Variants in HEMK2 observed in about 807,000 individuals in gnomAD.
HEMK2 encodes methyltransferase HEMK2.
At chr21:28,737,800 C>G in the HEMK2 span, among the ~76,000 whole-genome samples, 8 of 152,220 alleles carry the variant, frequency 5.3e-5, no homozygotes, top group Non-Finnish European at 1.0e-4. Context: ...CCAAGCCCTG[C>G]TTAACTTCAC....
chr21:28,813,540 C>G, the HEMK2 span, among the ~76,000 whole-genome samples: 1 of 152,172 alleles, frequency 6.6e-6, no homozygotes, highest in Non-Finnish European at 1.5e-5. Context: ...CCCCATCAAA[C>G]TACCACTGAC....
At chr21:28,853,034 T>C in the HEMK2 span, among the ~76,000 whole-genome samples, 12 of 152,320 alleles carry the variant, frequency 7.9e-5, no homozygotes, top group Admixed American at 5.2e-4. Flanking sequence ...TTTCCACTGT[T>C]AGATCTGGCA....
chr21:28,660,595 T>C, the HEMK2 span, among the ~76,000 whole-genome samples: 1 of 151,940 alleles, frequency 6.6e-6, no homozygotes, highest in Non-Finnish European at 1.5e-5. Flanking sequence ...TAATCTCGCA[T>C]TCCTAGAACA....
At chr21:28,864,896 TA>T in the HEMK2 span, among the ~76,000 whole-genome samples, 470 of 88,374 alleles carry the variant, frequency 5.3e-3, 5 homozygotes, top group African/African-American at 0.011. Flanking sequence ...AGATGATAGA[TA>T]GATATAGATA....
chr21:28,637,123 C>CTGGAT, the HEMK2 span, among the ~76,000 whole-genome samples: 8 of 152,284 alleles, frequency 5.3e-5, no homozygotes, highest in African/African-American at 1.9e-4. Context: ...TGTTTTCAGA[C>CTGGAT]TGGATTTCCA....
the HEMK2 span, among the ~76,000 whole-genome samples, chr21:28,703,790 C>A: frequency 4.6e-5 from 7 of 152,042 alleles, no homozygotes; most frequent in Non-Finnish European, 7.4e-5. Context: ...ACATTCGTCC[C>A]GTGTAAAATT....
the HEMK2 span, among the ~76,000 whole-genome samples, chr21:28,794,017 C>T: frequency 6.6e-6 from 1 of 152,328 alleles, no homozygotes; most frequent in Non-Finnish European, 1.5e-5. Context: ...TGTTTTAAGA[C>T]ATCCACTGTG....
chr21:28,733,387 T>C, the HEMK2 span, among the ~76,000 whole-genome samples: 1 of 152,226 alleles, frequency 6.6e-6, no homozygotes, highest in Non-Finnish European at 1.5e-5. Context: ...TCCTCTTAGA[T>C]AACATTGGCT....
At chr21:28,752,413 A>C in the HEMK2 span, among the ~76,000 whole-genome samples, 1 of 152,200 alleles carries the variant, frequency 6.6e-6, no homozygotes, top group Non-Finnish European at 1.5e-5. Context: ...GTTTCTAATC[A>C]AGGTATGTGA....
the HEMK2 span, among the ~76,000 whole-genome samples, chr21:28,586,823 G>T: frequency 6.6e-6 from 1 of 152,084 alleles, no homozygotes; most frequent in Non-Finnish European, 1.5e-5. Context: ...TCTTCTCACA[G>T]GGGGGTAATG....
chr21:28,780,369 G>A, the HEMK2 span, among the ~76,000 whole-genome samples: 1 of 145,908 alleles, frequency 6.9e-6, no homozygotes, highest in African/African-American at 2.7e-5. Context: ...AATAGAGACG[G>A]GGTTTCACCG....
the HEMK2 span, among the ~76,000 whole-genome samples, chr21:28,735,659 C>T: frequency 0.021 from 3,242 of 152,214 alleles, 109 homozygotes; most frequent in Admixed American, 0.079. Context: ...TCCTCAGTGA[C>T]GTTTTGTTGG....
chr21:28,746,325 G>C, the HEMK2 span, among the ~76,000 whole-genome samples: 1 of 152,070 alleles, frequency 6.6e-6, no homozygotes, highest in Non-Finnish European at 1.5e-5. Flanking sequence ...ACTACTCTTA[G>C]TATGTTCCTT....
At chr21:28,618,685 C>G in the HEMK2 span, among the ~76,000 whole-genome samples, 1 of 152,156 alleles carries the variant, frequency 6.6e-6, no homozygotes, top group Non-Finnish European at 1.5e-5. Flanking sequence ...TGATCCTATA[C>G]AACACTCTCC....
At chr21:28,851,845 C>T in the HEMK2 span, among the ~76,000 whole-genome samples, 3 of 152,164 alleles carry the variant, frequency 2.0e-5, no homozygotes, top group African/African-American at 7.2e-5. Context: ...ATACTGCTAG[C>T]CTTGCCAGCT....
the HEMK2 span, among the ~76,000 whole-genome samples, chr21:28,763,724 G>C: frequency 6.6e-6 from 1 of 152,122 alleles, no homozygotes; most frequent in Non-Finnish European, 1.5e-5. Flanking sequence ...CATCATAAAA[G>C]GGAATGAGCT....
At chr21:28,810,287 T>C in the HEMK2 span, among the ~76,000 whole-genome samples, 2 of 152,202 alleles carry the variant, frequency 1.3e-5, no homozygotes, top group African/African-American at 4.8e-5. Context: ...CTCTAGGTAT[T>C]TCAACCAGTA....
chr21:28,786,343 T>C, the HEMK2 span, among the ~76,000 whole-genome samples: 1 of 152,236 alleles, frequency 6.6e-6, no homozygotes, highest in Non-Finnish European at 1.5e-5. Context: ...TCTGTTATCT[T>C]TATTAAAACT....
the HEMK2 span, among the ~76,000 whole-genome samples, chr21:28,577,734 T>C: frequency 6.6e-6 from 1 of 152,202 alleles, no homozygotes; most frequent in Non-Finnish European, 1.5e-5. Flanking sequence ...AAGTGATTTA[T>C]CTGAAATTCA....
Sources: gnomAD v4.1 joint callset for allele counts (sites outside exome capture counted in the v4.1 genomes callset) on GRCh38, gnomAD v4.1.1 for gene constraint, MANE v1.5 for transcripts, NCBI Gene and HGNC (gene_info 2026-07-23, HGNC 2026-07-21) for gene names.